Variants in NRCAM observed in about 807,000 individuals in gnomAD.
NRCAM encodes the protein NgCAM-related cell adhesion molecule.
Under a neutral mutation model 156.5 loss-of-function variants are expected in NRCAM, and 83 were observed. The observed-to-expected ratio is 0.53, with a 90% CI of 0.44 to 0.64. NRCAM has a LOEUF of 0.64. NRCAM is among the 30% of genes least tolerant of loss of function. The pLI, the probability that NRCAM is intolerant of heterozygous loss-of-function variation, is 0.00. For missense variants in NRCAM, 1,417 were observed against 1,597.3 expected (o/e 0.89, Z 1.92); for synonymous variants, 538 against 563.9 (o/e 0.95, Z 0.65).
chr7:108,418,600 C>T (rs954880448), intron 1 of NRCAM, among the ~76,000 whole-genome samples: 4 of 147,268 alleles, frequency 2.7e-5, no homozygotes, highest in African/African-American at 5.0e-5. Flanking sequence ...CACACACACA[C>T]GCACTGAAAG....
At chr7:108,200,166 C>T (rs1350553141) in intron 13 of NRCAM, among the ~76,000 whole-genome samples, 1 of 152,160 alleles carries the variant, frequency 6.6e-6, no homozygotes, top group African/African-American at 2.4e-5. Context: ...TGTCGAGATA[C>T]TTTGAATTGA....
chr7:108,161,519 A>G (rs1416310891), intron 30 of NRCAM, among the ~76,000 whole-genome samples: 1 of 152,156 alleles, frequency 6.6e-6, no homozygotes, highest in African/African-American at 2.4e-5. Flanking sequence ...CTCTCTTTTG[A>G]CCATAATCAA....
intron 1 of NRCAM, among the ~76,000 whole-genome samples, chr7:108,419,856 C>T (rs573889503): frequency 1.3e-5 from 2 of 152,196 alleles, no homozygotes; most frequent in Admixed American, 6.5e-5. Flanking sequence ...GTCCAGTAGG[C>T]ATTAAGTCTG....
chr7:108,212,547 A>T (rs1456113744), intron 11 of NRCAM, among the ~76,000 whole-genome samples: 1 of 152,200 alleles, frequency 6.6e-6, no homozygotes, highest in East Asian at 1.9e-4. Flanking sequence ...CACTATAAAG[A>T]AAAAACAATC....
intron 15 of NRCAM, among the ~76,000 whole-genome samples, chr7:108,195,482 G>A (rs2074475072): frequency 6.6e-6 from 1 of 151,798 alleles, no homozygotes. Flanking sequence ...CAGGTGTGGT[G>A]GTAGGCGGCT....
intron 1 of NRCAM, among the ~76,000 whole-genome samples, chr7:108,422,944 G>T (rs1033270757): frequency 6.6e-6 from 1 of 152,076 alleles, no homozygotes; most frequent in Non-Finnish European, 1.5e-5. Context: ...TTAGCCTCCA[G>T]GAGCCAAGAG....
At chr7:108,435,678 G>A (rs1218430095) in intron 1 of NRCAM, among the ~76,000 whole-genome samples, 1 of 152,060 alleles carries the variant, frequency 6.6e-6, no homozygotes, top group Non-Finnish European at 1.5e-5. Context: ...TGAAGTAATC[G>A]GTACAACAAA....
chr7:108,348,583 C>T (rs2154288464), intron 2 of NRCAM, among the ~76,000 whole-genome samples: 1 of 152,158 alleles, frequency 6.6e-6, no homozygotes, highest in East Asian at 1.9e-4. Flanking sequence ...GGGGGAAAGG[C>T]TCCCTGGGCT....
chr7:108,218,530 A>G (rs533180332), intron 11 of NRCAM, among the ~76,000 whole-genome samples: 10 of 152,326 alleles, frequency 6.6e-5, no homozygotes, highest in Admixed American at 3.3e-4. Context: ...ACAGTGGAAT[A>G]AAAGTGGAAA....
In NRCAM at chr7:108,213,387, T is replaced by C. The variant is rs539961358; in HGVS notation, c.891-3782A>G. The stretch of plus-strand genomic sequence containing the variant: ...AAACCCAAGGTACACAGGCAACAAA[T>C]AGCACAATGAATGCAAGGGTATCTC... On this transcript the variant is annotated intron_variant, in intron 11 of 32. Coordinates refer to ENST00000379028, the MANE Select transcript of NRCAM (RefSeq NM_001037132.4). 5.3e-5 allele frequency among the ~76,000 whole-genome samples: 8 copies of C among 152,128 alleles called. No individual in the cohort carries two copies. The South Asian group carries it at 1.0e-3, about 20-fold the overall frequency.
Position 108,182,778 on chromosome 7 carries a change from G to C in NRCAM, c.2447C>G (p.Pro816Arg). ...CAGGGCCTGAACTTTGATCAGGTATGGAACAAAGGTTGGCGTGCCTGAGAC... is the reference window on the plus strand; with the variant it reads ...CAGGGCCTGAACTTTGATCAGGTATCGAACAAAGGTTGGCGTGCCTGAGAC... ...YIVSGTPTFV[P>R]YLIKVQALND... The change falls in exon 23 of 33, where the codon CCA becomes CGA. Residue 816 changes from proline to arginine, a missense_variant. By Grantham distance (103) the Pro-to-Arg change is moderately radical. Transcript: ENST00000379028. The C allele has an allele frequency of 6.2e-7, 1 of 1,614,208 alleles. No individual in the cohort carries two copies. Among genetic ancestry groups the C allele is most frequent in the Admixed American group, 1.7e-5 (1 of 60,028 alleles).
chr7:108,373,893 T>C (rs7783893), intron 2 of NRCAM, among the ~76,000 whole-genome samples: 57,134 of 151,980 alleles, frequency 0.38, 10,804 homozygotes, highest in Middle Eastern at 0.49. Flanking sequence ...GAATACACGC[T>C]AAGCTCAGAT....
chr7:108,195,763 C>T lies in NRCAM; in HGVS notation c.1461G>A (p.Glu487=). The change falls in exon 15 of 33, where the codon GAG becomes GAA. Residue 487 remains glutamate, a splice_region_variant and synonymous_variant. Coordinates refer to ENST00000379028, the MANE Select transcript of NRCAM (RefSeq NM_001037132.4). ...AAACACACAGAGCTGCTACTTACCA[C>T]TCGATGGTTGGGAGAGGAGACCCAA... ...AFFGSPLPTI[E]WFKGAKGSAL... is the part of the protein sequence containing the mutation. 6 of 1,559,304 alleles carry T rather than the reference C, an allele frequency of 3.8e-6. No individual in the cohort carries two copies. Among genetic ancestry groups the T allele is most frequent in the East Asian group, 4.5e-5 (2 of 44,612 alleles).
rs1430016161 is a variant in NRCAM, at chr7:108,166,907, G to A, written c.3466+14C>T. 1.2e-6 allele frequency: 2 copies of A among 1,612,880 alleles called. No homozygotes were observed. Among genetic ancestry groups the A allele is most frequent in the East Asian group, 4.5e-5 (2 of 44,842 alleles). On this transcript the variant is annotated intron_variant, in intron 30 of 32. Coordinates refer to ENST00000379028, the MANE Select transcript of NRCAM (RefSeq NM_001037132.4). The stretch of plus-strand genomic sequence containing the variant: ...TCTGAGCGGGAGCCAGAACAGGTGT[G>A]GTGTGAGCCTCACCTGGGCCTGTCT...
chr7:108,387,084 C>T (rs1404735042), intron 2 of NRCAM, among the ~76,000 whole-genome samples: 1 of 152,104 alleles, frequency 6.6e-6, no homozygotes, highest in South Asian at 2.1e-4. Context: ...TTTCCAATAT[C>T]CTCCTCACAA....
intron 11 of NRCAM, among the ~76,000 whole-genome samples, chr7:108,216,102 C>G (rs2088584944): frequency 6.6e-6 from 1 of 152,104 alleles, no homozygotes; most frequent in Non-Finnish European, 1.5e-5. Flanking sequence ...GTAAGGCAGG[C>G]CTGGTGGTGA....
At chr7:108,317,648 G>A (rs2300020) in intron 2 of NRCAM, among the ~76,000 whole-genome samples, 1 of 152,044 alleles carries the variant, frequency 6.6e-6, no homozygotes, top group Admixed American at 6.5e-5. Context: ...GGTGGCTCAC[G>A]CCTGTAATCC....
chr7:108,300,189 T>TTTTA (rs1554481919), intron 3 of NRCAM, among the ~76,000 whole-genome samples: 6 of 130,000 alleles, frequency 4.6e-5, no homozygotes, highest in African/African-American at 8.5e-5. Context: ...TTTTTTTTTT[T>TTTTA]ACAAAAGAGC....
chr7:108,255,964 G>A (rs1270742273), intron 3 of NRCAM, among the ~76,000 whole-genome samples: 1 of 146,420 alleles, frequency 6.8e-6, no homozygotes, highest in Non-Finnish European at 1.5e-5. Flanking sequence ...GGAGGTGGGG[G>A]GCAGCCCCCG....
Sources: gnomAD v4.1 joint callset for allele counts (sites outside exome capture counted in the v4.1 genomes callset) on GRCh38, gnomAD v4.1.1 for gene constraint, MANE v1.5 for transcripts, NCBI Gene and HGNC (gene_info 2026-07-23, HGNC 2026-07-21) for gene names.